Variants in EFCAB13 observed in about 807,000 individuals in gnomAD.
EFCAB13 encodes EF-hand calcium-binding domain-containing protein 13.
In EFCAB13, 91 loss-of-function variants were observed where a neutral mutation model predicts 110.2. The observed-to-expected ratio is 0.83, with a 90% CI of 0.70 to 0.98. EFCAB13 has a LOEUF of 0.98. Ranked by LOEUF, EFCAB13 falls within the 50% of genes least tolerant of loss-of-function variation. EFCAB13 has a pLI of 0.00. For missense variants in EFCAB13, 968 were observed against 1,119.4 expected (o/e 0.86, Z 1.93); for synonymous variants, 323 against 369.9 (o/e 0.87, Z 1.45).
chr17:47,339,391 C>G, intron 5 of EFCAB13, among the ~76,000 whole-genome samples: 1 of 152,050 alleles, frequency 6.6e-6, no homozygotes. Context: ...CTGGATGAAA[C>G]TGTTCCACCT....
chr17:47,363,328 A>G (rs568128432), intron 10 of EFCAB13, among the ~76,000 whole-genome samples: 93 of 152,216 alleles, frequency 6.1e-4, no homozygotes, highest in Non-Finnish European at 8.8e-4. Context: ...CAGCCTGCTG[A>G]GTAGCTGGAA....
At chr17:47,419,418 A>T in intron 23 of EFCAB13, among the ~76,000 whole-genome samples, 1 of 152,100 alleles carries the variant, frequency 6.6e-6, no homozygotes. Context: ...CCCTGTCCCT[A>T]CAAAAAATTT....
intron 23 of EFCAB13, among the ~76,000 whole-genome samples, chr17:47,417,532 C>T (rs1243488333): frequency 2.0e-5 from 3 of 152,202 alleles, no homozygotes; most frequent in Admixed American, 6.5e-5. Context: ...CCTTGCATTG[C>T]TTCTTCTATG....
intron 23 of EFCAB13, among the ~76,000 whole-genome samples, chr17:47,416,902 T>G (rs953665138): frequency 1.2e-4 from 19 of 152,114 alleles, no homozygotes; most frequent in African/African-American, 4.6e-4. Context: ...TTTCCAAAAG[T>G]CCAAGGGTAA....
chr17:47,416,468 C>T (rs1904450408), intron 23 of EFCAB13, among the ~76,000 whole-genome samples: 1 of 151,860 alleles, frequency 6.6e-6, no homozygotes, highest in African/African-American at 2.4e-5. Context: ...GGTACATGTG[C>T]AGGCTTGTTA....
chr17:47,360,250 A>G (rs2065505219), intron 9 of EFCAB13, among the ~76,000 whole-genome samples: 1 of 152,122 alleles, frequency 6.6e-6, no homozygotes, highest in Admixed American at 6.5e-5. Flanking sequence ...CAACAGTGTA[A>G]AAGTGTTCCT....
intron 11 of EFCAB13, among the ~76,000 whole-genome samples, chr17:47,372,411 TA>T (rs1260493623): frequency 6.6e-6 from 1 of 152,316 alleles, no homozygotes; most frequent in East Asian, 1.9e-4. Context: ...TACAGATTTT[TA>T]TATTGTTTCC....
intron 24 of EFCAB13, among the ~76,000 whole-genome samples, chr17:47,435,539 G>GT (rs370737853): frequency 7.6e-4 from 115 of 151,222 alleles, no homozygotes; most frequent in African/African-American, 2.4e-3. Context: ...TTTTGTTTTT[G>GT]TTTTTTTTGC....
intron 24 of EFCAB13, 65 bp downstream of exon 24, chr17:47,430,026 G>A: frequency 6.7e-7 from 1 of 1,481,742 alleles, no homozygotes; most frequent in Non-Finnish European, 9.0e-7. Context: ...GAAGGTCTAT[G>A]GGTAGGACAT....
At chr17:47,354,882 G>A (rs2065471512) in intron 9 of EFCAB13, among the ~76,000 whole-genome samples, 1 of 152,146 alleles carries the variant, frequency 6.6e-6, no homozygotes, top group African/African-American at 2.4e-5. Flanking sequence ...TGTTAGTGTT[G>A]AGATGTGAGG....
chr17:47,428,868 T>C (rs1010500722), intron 23 of EFCAB13, among the ~76,000 whole-genome samples: 2 of 152,118 alleles, frequency 1.3e-5, no homozygotes, highest in Non-Finnish European at 2.9e-5. Flanking sequence ...TGTAAGAGAA[T>C]GTTCTCATTG....
rs1905109005 is a variant in EFCAB13, at chr17:47,431,171, A to T, written c.2638+1210A>T. On this transcript the variant is annotated intron_variant, in intron 24 of 24. Coordinates refer to ENST00000331493, the MANE Select transcript of EFCAB13 (RefSeq NM_152347.5). This position sits in a 1 kb window ranked among gnomAD's most constrained non-coding sequence, Gnocchi z 4.1. ...ATAAAATAAATTATTAACTATAGTC[A>T]CTGTATTGTGCTACTGAACACCAGA... Among the ~76,000 whole-genome samples, 1 of 152,066 alleles carries T rather than the reference A, an allele frequency of 6.6e-6. No individual in the cohort carries two copies. The highest frequency in any genetic ancestry group is 2.1e-4 in the South Asian group (1 of 4,828).
At chr17:47,409,843 C>T (rs566486306) in intron 21 of EFCAB13, 152 bp downstream of exon 21, 1 of 604,344 alleles carries the variant, frequency 1.7e-6, no homozygotes, top group Non-Finnish European at 3.0e-6. Flanking sequence ...GTTACCTCCC[C>T]CTATTTATAA....
At position 47,379,216 on chromosome 17, in the gene EFCAB13, T is replaced by C; in HGVS notation, c.1545T>C (p.Asn515=). ...TGGTGGAGTTAGATGACTTTGTAAATGCTCTCGCCAAGGAGCGAAGTTTTC... is the reference window on the plus strand; with the variant it reads ...TGGTGGAGTTAGATGACTTTGTAAACGCTCTCGCCAAGGAGCGAAGTTTTC... The part of the protein sequence containing the change: ...NGMVELDDFV[N]ALAKERSFPE... Residue 515 remains asparagine, a synonymous_variant, in exon 14 of 25, where the codon AAT becomes AAC. Coordinates refer to ENST00000331493, the MANE Select transcript of EFCAB13 (RefSeq NM_152347.5). 1 of 1,613,598 alleles carries C rather than the reference T, an allele frequency of 6.2e-7. No homozygotes were observed. The highest frequency in any genetic ancestry group is 8.5e-7 in the Non-Finnish European group (1 of 1,179,664).
At chr17:47,343,749 G>A (rs2065398919) in intron 6 of EFCAB13, among the ~76,000 whole-genome samples, 1 of 151,960 alleles carries the variant, frequency 6.6e-6, no homozygotes, top group African/African-American at 2.4e-5. Flanking sequence ...AGGGATAATC[G>A]AAAACAAAAT....
intron 9 of EFCAB13, among the ~76,000 whole-genome samples, chr17:47,354,348 C>A (rs184087647): frequency 1.3e-5 from 2 of 152,226 alleles, no homozygotes; most frequent in Non-Finnish European, 2.9e-5. Flanking sequence ...TCATAGTCTG[C>A]ATTTATTGGG....
intron 23 of EFCAB13, among the ~76,000 whole-genome samples, chr17:47,419,870 A>G (rs935794513): frequency 6.6e-6 from 1 of 151,912 alleles, no homozygotes; most frequent in African/African-American, 2.4e-5. Context: ...TATTTTTAAA[A>G]AAAACAAAGT....
chr17:47,380,447 A>C (rs1199129965), intron 14 of EFCAB13, among the ~76,000 whole-genome samples: 1 of 152,166 alleles, frequency 6.6e-6, no homozygotes, highest in Admixed American at 6.5e-5. Context: ...TCCATGGTGT[A>C]TATGTGCCAC....
At chr17:47,389,190 G>C (rs2065692468) in intron 14 of EFCAB13, among the ~76,000 whole-genome samples, 1 of 152,052 alleles carries the variant, frequency 6.6e-6, no homozygotes, top group South Asian at 2.1e-4. Flanking sequence ...ATGCCACTCA[G>C]CCCAGCTAAT....
Sources: allele counts gnomAD v4.1 joint callset (sites outside exome capture counted in the v4.1 genomes callset), GRCh38; gene constraint gnomAD v4.1.1; non-coding constraint Gnocchi (gnomAD v3.1); transcripts MANE v1.5; gene names NCBI Gene and HGNC (gene_info 2026-07-23, HGNC 2026-07-21).